DLGAP1: variants seen among roughly 807,000 people sequenced by gnomAD.
DLGAP1 encodes the protein DLG associated protein 1, also known as disks large-associated protein 1.
DLGAP1 carries 11 observed loss-of-function variants against 90.8 expected under a neutral mutation model. The observed-to-expected ratio is 0.12, with a 90% CI of 0.08 to 0.20. The LOEUF (loss-of-function observed/expected upper bound fraction) is 0.20, where lower values mean the gene tolerates loss of function less well. Among genes scored for constraint, DLGAP1 ranks in the 10% least tolerant of loss-of-function variants. The pLI, the probability that DLGAP1 is intolerant of heterozygous loss-of-function variation, is 1.00. For missense variants in DLGAP1, 1,050 were observed against 1,333.8 expected, an observed-to-expected ratio of 0.79 and a Z score of 3.31; for synonymous variants, 558 against 540.7, an observed-to-expected ratio of 1.03 and a Z score of -0.44.
intron 3 of DLGAP1, among the ~76,000 whole-genome samples, chr18:3,953,394 C>T (rs1029633465): frequency 1.3e-5 from 2 of 152,096 alleles, no homozygotes; most frequent in African/African-American, 4.8e-5. Flanking sequence ...TGTATGTGTG[C>T]CCTTTGTTTA....
At chr18:3,673,874 A>C (rs1278013667) in intron 7 of DLGAP1, among the ~76,000 whole-genome samples, 1 of 128,704 alleles carries the variant, frequency 7.8e-6, no homozygotes, top group South Asian at 2.5e-4. Flanking sequence ...AGGGAGTCTC[A>C]CTCTGTTGCC....
chr18:4,067,205 C>A (rs2075382783), intron 2 of DLGAP1, among the ~76,000 whole-genome samples: 1 of 151,784 alleles, frequency 6.6e-6, no homozygotes, highest in Non-Finnish European at 1.5e-5. Context: ...GGAAGAGGAT[C>A]AAGAAAAACA....
At chr18:4,091,243 A>G (rs139892163) in intron 2 of DLGAP1, among the ~76,000 whole-genome samples, 4 of 151,884 alleles carry the variant, frequency 2.6e-5, no homozygotes, top group Admixed American at 2.6e-4. Flanking sequence ...TCCCAGAAAT[A>G]AAATGAAATG....
intron 4 of DLGAP1, among the ~76,000 whole-genome samples, chr18:3,862,468 G>GT (rs1172036258): frequency 6.6e-6 from 1 of 152,222 alleles, no homozygotes; most frequent in African/African-American, 2.4e-5. Context: ...AAAACTCAGC[G>GT]TGAGAATGGA....
chr18:4,347,981 A>G (rs1020889267), intron 1 of DLGAP1, among the ~76,000 whole-genome samples: 1 of 152,164 alleles, frequency 6.6e-6, no homozygotes, highest in African/African-American at 2.4e-5. Flanking sequence ...TGAAATTAAT[A>G]TTCATAAATT....
chr18:3,740,122 A>G (rs942124254), intron 6 of DLGAP1, among the ~76,000 whole-genome samples: 1 of 152,184 alleles, frequency 6.6e-6, no homozygotes, highest in African/African-American at 2.4e-5. Context: ...ATGTATATAA[A>G]TATTTTTCCA....
At chr18:3,520,859 A>G (rs1300568477) in intron 10 of DLGAP1, among the ~76,000 whole-genome samples, 1 of 152,144 alleles carries the variant, frequency 6.6e-6, no homozygotes, top group Non-Finnish European at 1.5e-5. Context: ...CACTCCCTGC[A>G]GCCCAGCTGC....
chr18:4,246,569 A>C (rs1014454836), intron 1 of DLGAP1, among the ~76,000 whole-genome samples: 1 of 152,098 alleles, frequency 6.6e-6, no homozygotes, highest in Non-Finnish European at 1.5e-5. Flanking sequence ...TGGCCTGGGG[A>C]CGCACAGTGT....
chr18:4,121,568 T>A (rs1276853299), intron 2 of DLGAP1, among the ~76,000 whole-genome samples: 1 of 152,106 alleles, frequency 6.6e-6, no homozygotes, highest in Non-Finnish European at 1.5e-5. Flanking sequence ...TCATCAAGAA[T>A]CCTGTTAGGT....
intron 2 of DLGAP1, among the ~76,000 whole-genome samples, chr18:4,137,616 T>C (rs1447662595): frequency 6.6e-6 from 1 of 152,210 alleles, no homozygotes; most frequent in Non-Finnish European, 1.5e-5. Context: ...TCTGGGTCTT[T>C]TGTGATTTCA....
chr18:3,832,631 A>G (rs1308526889), intron 4 of DLGAP1, among the ~76,000 whole-genome samples: 1 of 152,204 alleles, frequency 6.6e-6, no homozygotes, highest in Non-Finnish European at 1.5e-5. Flanking sequence ...TCCAGAAAAA[A>G]AAAATGTTTT....
At chr18:4,272,958 AG>A (rs1469414917) in intron 1 of DLGAP1, among the ~76,000 whole-genome samples, 56 of 152,314 alleles carry the variant, frequency 3.7e-4, no homozygotes, top group Non-Finnish European at 1.9e-4. Flanking sequence ...AGGCATGAAC[AG>A]TAAGGATTGC....
chr18:4,015,594 C>A (rs1427259772), intron 2 of DLGAP1, among the ~76,000 whole-genome samples: 1 of 152,166 alleles, frequency 6.6e-6, no homozygotes, highest in Non-Finnish European at 1.5e-5. Context: ...ATGACACCTG[C>A]CTTCACTTTT....
chr18:4,397,767 G>T (rs1014108451), intron 1 of DLGAP1, among the ~76,000 whole-genome samples: 28 of 152,088 alleles, frequency 1.8e-4, no homozygotes, highest in African/African-American at 6.8e-4. Context: ...AATTTTTGTA[G>T]ATCAATCTTA....
chr18:3,622,340 C>T (rs1396630959), intron 7 of DLGAP1, among the ~76,000 whole-genome samples: 1 of 152,074 alleles, frequency 6.6e-6, no homozygotes, highest in East Asian at 1.9e-4. Context: ...CTCCTGACCT[C>T]GTGATCTGCC....
intron 2 of DLGAP1, among the ~76,000 whole-genome samples, chr18:4,014,604 A>G (rs1297704397): frequency 6.6e-6 from 1 of 152,220 alleles, no homozygotes; most frequent in Non-Finnish European, 1.5e-5. Flanking sequence ...TAATATCTCA[A>G]TTACTCTGAT....
intron 1 of DLGAP1, among the ~76,000 whole-genome samples, chr18:4,175,529 T>G (rs548259986): frequency 0.013 from 1,914 of 152,324 alleles, 58 homozygotes; most frequent in African/African-American, 0.044. Flanking sequence ...TAGGTTTTTT[T>G]CTAGGGTTTT....
intron 4 of DLGAP1, among the ~76,000 whole-genome samples, chr18:3,820,302 C>A (rs1231894383): frequency 6.6e-6 from 1 of 152,186 alleles, no homozygotes; most frequent in African/African-American, 2.4e-5. Context: ...CTGTGCGATT[C>A]TGTGAGCTAT....
chr18:4,403,621 T>A (rs1412887106), intron 1 of DLGAP1, among the ~76,000 whole-genome samples: 1 of 152,220 alleles, frequency 6.6e-6, no homozygotes, highest in Admixed American at 6.5e-5. Flanking sequence ...TAAGAAATGT[T>A]TTAATAATGC....
Sources: allele counts gnomAD v4.1 joint callset (sites outside exome capture counted in the v4.1 genomes callset), GRCh38; gene constraint gnomAD v4.1.1; transcripts MANE v1.5; gene names NCBI Gene and HGNC (gene_info 2026-07-23, HGNC 2026-07-21).